PPARA: variants seen among roughly 807,000 people sequenced by gnomAD.
PPARA encodes peroxisome proliferator-activated receptor alpha.
PPARA carries 22 observed loss-of-function variants against 42.2 expected under a neutral mutation model. The ratio of observed to expected loss-of-function variants is 0.52; its 90% CI spans 0.37 to 0.74. The LOEUF is 0.74. PPARA is among the 30% of genes least tolerant of loss of function. PPARA has a pLI of 0.00. For synonymous variants in PPARA, 242 were observed against 239.3 expected (o/e 1.01, Z -0.10); for missense variants, 465 against 608.2 (o/e 0.76, Z 2.48).
rs1934533194 is a variant in PPARA, at chr22:46,216,770, C to T, written c.369+1437C>T. Among the ~76,000 whole-genome samples, 1 of 152,226 alleles carries T rather than the reference C, an allele frequency of 6.6e-6. No homozygotes were observed. The highest frequency in any genetic ancestry group is 2.1e-4 in the South Asian group (1 of 4,836). ...CATGAAGGCAGGCCCTGTTGTCCTG[C>T]ATGCTGCCAGCTGGACTGGTGGCCC... is the stretch of plus-strand genomic sequence containing the variant. On this transcript the variant is annotated intron_variant, in intron 5 of 8. Coordinates refer to ENST00000407236, the MANE Select transcript of PPARA (RefSeq NM_005036.6). This position sits in a 1 kb window ranked among gnomAD's most constrained non-coding sequence, Gnocchi z 4.5.
Position 46,156,419 on chromosome 22 carries a change from T to G in PPARA, c.-127+4449T>G, listed in dbSNP as rs1925303324. On this transcript the variant is annotated intron_variant, in intron 2 of 8. Transcript: ENST00000407236. This position sits in a 1 kb window ranked among gnomAD's most constrained non-coding sequence, Gnocchi z 5.2. Reference sequence around the variant, plus strand: ...GGAGGACATACCGCTGGCTCCTGCCTTTCTCACTTAGCCAGGTCTGATACC... The same window carrying G: ...GGAGGACATACCGCTGGCTCCTGCCGTTCTCACTTAGCCAGGTCTGATACC... 1 of 152,216 alleles carries G rather than the reference T, an allele frequency of 6.6e-6. No individual in the cohort carries two copies. The highest frequency in any genetic ancestry group is 1.5e-5 in the Non-Finnish European group (1 of 68,026). 9.4% of individuals were successfully genotyped at this position (152,216 alleles called of 1,614,324 possible).
Position 46,171,337 on chromosome 22 carries a change from G to T in PPARA, c.-126-5416G>T, listed in dbSNP as rs1167794979. ...GAGCTCCTTCTCTGTACCAGGCATT[G>T]TTCTAAGATACGTAAGTGAACAAAA... On this transcript the variant is annotated intron_variant, in intron 2 of 8. Coordinates refer to ENST00000407236, the MANE Select transcript of PPARA (RefSeq NM_005036.6). This position sits in a 1 kb window ranked among gnomAD's most constrained non-coding sequence, Gnocchi z 5.0. 6.6e-6 allele frequency: 1 copy of T among 152,274 alleles called. No individual in the cohort carries two copies. The highest frequency in any genetic ancestry group is 1.5e-5 in the Non-Finnish European group (1 of 68,126). 9.4% of individuals were successfully genotyped at this position (152,274 alleles called of 1,614,324 possible). A position where few individuals can be genotyped will look rare whatever the true frequency, so the allele number is the denominator to read the frequency against.
rs1048295418 is a variant in PPARA at position 46,211,568 on chromosome 22, C to T, written c.209-3605C>T. Among the ~76,000 whole-genome samples, 5 of 152,176 alleles carry T rather than the reference C, an allele frequency of 3.3e-5. No individual in the cohort carries two copies. Among genetic ancestry groups the T allele is most frequent in the African/African-American group, 7.2e-5 (3 of 41,448 alleles). On this transcript the variant is annotated intron_variant, in intron 4 of 8. Coordinates refer to ENST00000407236, the MANE Select transcript of PPARA (RefSeq NM_005036.6). This position sits in a 1 kb window ranked among gnomAD's most constrained non-coding sequence, Gnocchi z 4.1. ...TTCTGCATTTCACCCTGGGATCCTC[C>T]AACCTCCTAAGTTATTTTTGTTTTA...
In PPARA at chr22:46,156,009, T is replaced by C. The variant is rs1339405702; in HGVS notation, c.-127+4039T>C. ...TTTAATTAGCATCTTTTAATAGTGA[T>C]ATTACGGTGTCTTAAAAGTTTATGC... On this transcript the variant is annotated intron_variant, in intron 2 of 8. Transcript: ENST00000407236. This position sits in a 1 kb window ranked among gnomAD's most constrained non-coding sequence, Gnocchi z 5.2. 4 of 152,232 alleles carry C rather than the reference T, an allele frequency of 2.6e-5. No homozygotes were observed. The highest frequency in any genetic ancestry group is 6.5e-5 in the Admixed American group (1 of 15,272). 9.4% of individuals were successfully genotyped at this position (152,232 alleles called of 1,614,324 possible).
chr22:46,167,387 C>T lies in PPARA; in HGVS notation c.-126-9366C>T, dbSNP rs1045047405. 6.6e-6 allele frequency among the ~76,000 whole-genome samples: 1 copy of T among 152,066 alleles called. No homozygotes were observed. Among genetic ancestry groups the T allele is most frequent in the Non-Finnish European group, 1.5e-5 (1 of 68,028 alleles). Reference sequence around the variant, plus strand: ...TTAAAACCATCCAGGTACAGTGGCTCATGCCTGTCATCTTGCACTTTGAGA... The same window carrying T: ...TTAAAACCATCCAGGTACAGTGGCTTATGCCTGTCATCTTGCACTTTGAGA... On this transcript the variant is annotated intron_variant, in intron 2 of 8. Coordinates refer to ENST00000407236, the MANE Select transcript of PPARA (RefSeq NM_005036.6). The surrounding 1 kb of genome is among the most constrained non-coding windows in gnomAD (Gnocchi z 4.1).
At chr22:46,207,128 C>G (rs533310569) in intron 4 of PPARA, among the ~76,000 whole-genome samples, 5 of 151,572 alleles carry the variant, frequency 3.3e-5, no homozygotes, top group Non-Finnish European at 7.4e-5. Flanking sequence ...GAGGCTGAGA[C>G]AGGAGAATTG....
At position 46,160,177 on chromosome 22, in the gene PPARA, T is replaced by C. The variant is rs1244045412; in HGVS notation, c.-127+8207T>C. On this transcript the variant is annotated intron_variant, in intron 2 of 8. Transcript: ENST00000407236. The surrounding 1 kb of genome is among the most constrained non-coding windows in gnomAD (Gnocchi z 4.5). ...GGCGGGGATCTTTCCAGCAGAAAGC[T>C]GTAAGTGGAAGCTTTCAATTCAGAG... Among the ~76,000 whole-genome samples, 1 of 152,228 alleles carries C rather than the reference T, an allele frequency of 6.6e-6. No individual in the cohort carries two copies. The highest frequency in any genetic ancestry group is 2.4e-5 in the African/African-American group (1 of 41,466).
At chr22:46,215,761 AAAG>A (rs1934428073) in intron 5 of PPARA, among the ~76,000 whole-genome samples, 1 of 151,920 alleles carries the variant, frequency 6.6e-6, no homozygotes, top group South Asian at 2.1e-4. Context: ...AGAAAGAAAA[AAAG>A]AAAAAGAAAA....
chr22:46,195,894 C>G lies in PPARA; in HGVS notation c.-42-2448C>G, dbSNP rs61081435. 6.8e-3 allele frequency among the ~76,000 whole-genome samples: 1,033 copies of G among 152,276 alleles called. 15 individuals carry two copies. Among genetic ancestry groups the G allele is most frequent in the African/African-American group, 0.024 (1,000 of 41,556 alleles). ...GGAAGCTAAAGGTCACCTAGTCAGC[C>G]TCGTTGGGTGATTGATGACTCAGCT... On this transcript the variant is annotated intron_variant, in intron 3 of 8. Transcript: ENST00000407236. This position sits in a 1 kb window ranked among gnomAD's most constrained non-coding sequence, Gnocchi z 4.6.
At position 46,200,585 on chromosome 22, in the gene PPARA, G is replaced by A. The variant is rs990504032; in HGVS notation, c.208+1994G>A. On this transcript the variant is annotated intron_variant, in intron 4 of 8. Transcript: ENST00000407236. The surrounding 1 kb of genome is among the most constrained non-coding windows in gnomAD (Gnocchi z 4.8). ...GTCTATTGTTGACCAAAATGTCACTGTGCAGTGTGTGACTATACAGAAATA... is the reference window on the plus strand; with the variant it reads ...GTCTATTGTTGACCAAAATGTCACTATGCAGTGTGTGACTATACAGAAATA... Among the ~76,000 whole-genome samples, 2 of 152,254 alleles carry A rather than the reference G, an allele frequency of 1.3e-5. No individual in the cohort carries two copies. The highest frequency in any genetic ancestry group is 6.5e-5 in the Admixed American group (1 of 15,288).
rs932176910 is a variant in PPARA, at chr22:46,211,876, A to C, written c.209-3297A>C. ...AACTTTTTGTATTTTTACAAAATACAAAAGACGATGTTTCACTATGTGGGC... is the reference window on the plus strand; with the variant it reads ...AACTTTTTGTATTTTTACAAAATACCAAAGACGATGTTTCACTATGTGGGC... On this transcript the variant is annotated intron_variant, in intron 4 of 8. Coordinates refer to ENST00000407236, the MANE Select transcript of PPARA (RefSeq NM_005036.6). The surrounding 1 kb of genome is among the most constrained non-coding windows in gnomAD (Gnocchi z 4.1). Among the ~76,000 whole-genome samples, 8 of 152,058 alleles carry C rather than the reference A, an allele frequency of 5.3e-5. No homozygotes were observed. In the East Asian group the frequency reaches 1.5e-3, roughly 29 times the overall value.
intron 2 of PPARA, among the ~76,000 whole-genome samples, chr22:46,174,868 T>C (rs1928775738): frequency 6.6e-6 from 1 of 152,118 alleles, no homozygotes; most frequent in Admixed American, 6.5e-5. Context: ...CTTTTAGTAC[T>C]TTTAAAAATT....
At position 46,240,373 on chromosome 22, in the gene PPARA, C is replaced by G. The variant is rs948673308; in HGVS notation, c.*4993C>G. 1 of 396,578 alleles carries G rather than the reference C, an allele frequency of 2.5e-6. No individual in the cohort carries two copies. The highest frequency in any genetic ancestry group is 4.4e-6 in the Non-Finnish European group (1 of 225,274). The allele number at this position is 396,578 out of a possible 1,614,324, so 24.6% of individuals were successfully genotyped here. On this transcript the variant is annotated 3_prime_UTR_variant, in exon 9 of 9. Transcript: ENST00000407236. This position sits in a 1 kb window ranked among gnomAD's most constrained non-coding sequence, Gnocchi z 6.0. ...ACTTTCTCCACCTCCTGCAGCCTCC[C>G]TGTTGTTTCTAGACTCTTGCACCTG...
chr22:46,207,285 T>TC (rs1331638006), intron 4 of PPARA, among the ~76,000 whole-genome samples: 1 of 146,838 alleles, frequency 6.8e-6, no homozygotes, highest in East Asian at 2.0e-4. Context: ...CAATTTTTTT[T>TC]TTTTTTTTTT....
Position 46,160,235 on chromosome 22 carries a change from C to A in PPARA, c.-127+8265C>A, listed in dbSNP as rs1200763971. On this transcript the variant is annotated intron_variant, in intron 2 of 8. Coordinates refer to ENST00000407236, the MANE Select transcript of PPARA (RefSeq NM_005036.6). This position sits in a 1 kb window ranked among gnomAD's most constrained non-coding sequence, Gnocchi z 4.5. ...AATGCCTTCAAAGTCCCAGGCTTCA[C>A]GTGGGAACAGAGAATGTGAAGAGTA... Among the ~76,000 whole-genome samples the A allele has an allele frequency of 6.6e-6, 1 of 152,158 alleles. No homozygotes were observed. The highest frequency in any genetic ancestry group is 2.4e-5 in the African/African-American group (1 of 41,430).
rs1241933200 is a variant in PPARA, at chr22:46,241,045, G to C, written c.*5665G>C. 1 of 152,248 alleles carries C rather than the reference G, an allele frequency of 6.6e-6. No homozygotes were observed. Among genetic ancestry groups the C allele is most frequent in the East Asian group, 1.9e-4 (1 of 5,206 alleles). The allele number at this position is 152,248 out of a possible 1,614,324, so 9.4% of individuals were successfully genotyped here. A position where few individuals can be genotyped will look rare whatever the true frequency, so the allele number is the denominator to read the frequency against. ...GATTAACCTGCCTCGACTGTGCTGA[G>C]GGCAACAAAGGCCATCTCACCAAAG... On this transcript the variant is annotated 3_prime_UTR_variant, in exon 9 of 9. Transcript: ENST00000407236. The surrounding 1 kb of genome is among the most constrained non-coding windows in gnomAD (Gnocchi z 5.7).
chr22:46,208,324 G>T (rs952848122), intron 4 of PPARA, among the ~76,000 whole-genome samples: 14 of 152,070 alleles, frequency 9.2e-5, no homozygotes, highest in Non-Finnish European at 1.6e-4. Context: ...GAGGCGAGTG[G>T]ATCACTTGAG....
chr22:46,229,766 T>G (rs749391568), intron 7 of PPARA, among the ~76,000 whole-genome samples: 5 of 152,236 alleles, frequency 3.3e-5, no homozygotes, highest in Admixed American at 6.5e-5. Context: ...GTATTCAGAA[T>G]GTTTTCACTC....
In PPARA at chr22:46,196,246, G is replaced by T. The variant is rs763434123; in HGVS notation, c.-42-2096G>T. ...TCACTTATACCCCTATGGAAATGCC[G>T]TTCGCTTTGCTAGTTGAAATAGCCT... On this transcript the variant is annotated intron_variant, in intron 3 of 8. Transcript: ENST00000407236. The surrounding 1 kb of genome is among the most constrained non-coding windows in gnomAD (Gnocchi z 5.6). 2.6e-5 allele frequency among the ~76,000 whole-genome samples: 4 copies of T among 152,216 alleles called. No homozygotes were observed. The highest frequency in any genetic ancestry group is 5.9e-5 in the Non-Finnish European group (4 of 68,042).
Sources: allele counts gnomAD v4.1 joint callset (sites outside exome capture counted in the v4.1 genomes callset), GRCh38; gene constraint gnomAD v4.1.1; non-coding constraint Gnocchi (gnomAD v3.1); transcripts MANE v1.5; gene names NCBI Gene and HGNC (gene_info 2026-07-23, HGNC 2026-07-21).